KIT: variants seen among roughly 807,000 people sequenced by gnomAD.
KIT encodes mast/stem cell growth factor receptor Kit.
A neutral mutation model predicts 105.7 loss-of-function variants in KIT; 16 were observed. The ratio of observed to expected loss-of-function variants is 0.15; its 90% CI spans 0.10 to 0.23. The LOEUF is 0.23. Among genes scored for constraint, KIT ranks in the 10% least tolerant of loss-of-function variants. KIT has a pLI of 1.00. For missense variants in KIT, 858 were observed against 1,213.8 expected (o/e 0.71, Z 4.36); for synonymous variants, 438 against 441.1 (o/e 0.99, Z 0.09).
In KIT at chr4:54,698,300, C is replaced by T. The variant is rs1352598333; in HGVS notation, c.354C>T (p.Phe118=). 4 of 1,613,924 alleles carry T rather than the reference C, an allele frequency of 2.5e-6. No homozygotes were observed. The highest frequency in any genetic ancestry group is 3.3e-5 in the Admixed American group (2 of 59,994). The stretch of plus-strand genomic sequence containing the variant: ...CTTCTATAGATCCTGCCAAGCTTTT[C>T]CTTGTTGACCGCTCCTTGTATGGGA... ...YVFVRDPAKL[F]LVDRSLYGKE... is the part of the protein sequence containing the mutation. The change falls in exon 3 of 21, where the codon TTC becomes TTT. Residue 118 remains phenylalanine, a synonymous_variant. Transcript: ENST00000288135.
chr4:54,702,239 G>A (rs1254037537), intron 4 of KIT, among the ~76,000 whole-genome samples: 1 of 151,884 alleles, frequency 6.6e-6, no homozygotes, highest in African/African-American at 2.4e-5. Flanking sequence ...AACCTTATAT[G>A]TAATTTTAAA....
At chr4:54,737,614 C>T (rs577991014) in intron 20 of KIT, among the ~76,000 whole-genome samples, 13 of 152,282 alleles carry the variant, frequency 8.5e-5, no homozygotes, top group African/African-American at 2.9e-4. Flanking sequence ...TCTCACATGT[C>T]AGGGCCATGC....
chr4:54,706,163 C>G (rs1490614759), intron 5 of KIT, among the ~76,000 whole-genome samples: 1 of 151,842 alleles, frequency 6.6e-6, no homozygotes. Context: ...CTGTAGCTAT[C>G]TATCTCATTT....
intron 7 of KIT, among the ~76,000 whole-genome samples, chr4:54,715,391 CG>C (rs1251008678): frequency 1.3e-5 from 2 of 150,680 alleles, no homozygotes; most frequent in African/African-American, 4.9e-5. Flanking sequence ...AAAAAATGCC[CG>C]GGGCTGGGTG....
At chr4:54,676,569 A>G (rs1370752763) in intron 1 of KIT, among the ~76,000 whole-genome samples, 1 of 152,206 alleles carries the variant, frequency 6.6e-6, no homozygotes, top group African/African-American at 2.4e-5. Flanking sequence ...GCTGCAGTAG[A>G]GGCTTCGAGA....
At chr4:54,724,888 C>T (rs1168887155) in intron 8 of KIT, among the ~76,000 whole-genome samples, 2 of 151,962 alleles carry the variant, frequency 1.3e-5, no homozygotes, top group Non-Finnish European at 1.5e-5. Context: ...TGGGTAGAAA[C>T]ACATAATAGA....
chr4:54,728,410 T>C (rs1722375382), intron 13 of KIT, among the ~76,000 whole-genome samples: 1 of 152,196 alleles, frequency 6.6e-6, no homozygotes, highest in Non-Finnish European at 1.5e-5. Context: ...GCTTCTGTTA[T>C]CTTGTAAGCT....
chr4:54,732,895 T>G (rs1216900676), intron 16 of KIT, among the ~76,000 whole-genome samples, 175 bp from the exon 17 acceptor site: 1 of 152,220 alleles, frequency 6.6e-6, no homozygotes, highest in Non-Finnish European at 1.5e-5. Context: ...CTTGATTATG[T>G]GAACATCATT....
Position 54,731,250 on chromosome 4 carries a change from A to C in KIT, c.2142-78A>C, listed in dbSNP as rs567533020. The C allele has an allele frequency of 5.5e-5, 51 of 926,730 alleles. No individual in the cohort carries two copies. In the South Asian group the frequency reaches 6.0e-4, roughly 11 times the overall value. The allele number at this position is 926,730 out of a possible 1,614,324, so 57.4% of individuals were successfully genotyped here. ...AGTCTATTATGTAGCAAAGGGGATG[A>C]GGAGGTAGAGCATGACCCATGAGTG... On this transcript the variant is annotated intron_variant, in intron 14 of 20. Coordinates refer to ENST00000288135, the MANE Select transcript of KIT (RefSeq NM_000222.3).
chr4:54,657,969 G>A lies in KIT; in HGVS notation c.-46G>A, dbSNP rs953268043. ...TGCCGCGCTCGCTGCACTTGGGCGA[G>A]AGCTGGAACGTGGACCAGAGCTCGG... is the stretch of plus-strand genomic sequence containing the variant. On this transcript the variant is annotated 5_prime_UTR_variant, in exon 1 of 21. Coordinates refer to ENST00000288135, the MANE Select transcript of KIT (RefSeq NM_000222.3). 1.2e-5 allele frequency: 19 copies of A among 1,598,738 alleles called. No individual in the cohort carries two copies. The highest frequency in any genetic ancestry group is 1.5e-5 in the Non-Finnish European group (18 of 1,167,862).
chr4:54,720,189 G>A (rs993107088), intron 7 of KIT, among the ~76,000 whole-genome samples: 2 of 151,648 alleles, frequency 1.3e-5, no homozygotes, highest in South Asian at 2.1e-4. Context: ...CTGGAGGTGC[G>A]GCCCAGGAAT....
chr4:54,659,673 G>A (rs1031182408), intron 1 of KIT, among the ~76,000 whole-genome samples: 2 of 152,084 alleles, frequency 1.3e-5, no homozygotes, highest in Non-Finnish European at 2.9e-5. Context: ...TTCTCTGGAG[G>A]ATTTGATCAC....
rs2109787223 is a variant in KIT at position 54,729,486 on chromosome 4, G to A, written c.2141+1G>A. The stretch of plus-strand genomic sequence containing the variant: ...TTCTGCATTCAAAGGAGTCTTCCTG[G>A]TAAGACTGATTTACATAAATAGTTA... On this transcript the variant is annotated splice_donor_variant, in intron 14 of 20. Coordinates refer to ENST00000288135, the MANE Select transcript of KIT (RefSeq NM_000222.3). LOFTEE classifies it high-confidence loss of function. 6.2e-7 allele frequency: 1 copy of A among 1,612,860 alleles called. No homozygotes were observed. The highest frequency in any genetic ancestry group is 8.5e-7 in the Non-Finnish European group (1 of 1,179,500).
intron 5 of KIT, among the ~76,000 whole-genome samples, chr4:54,706,452 A>C (rs564368796): frequency 1.6e-4 from 25 of 152,086 alleles, no homozygotes; most frequent in Admixed American, 4.6e-4. Context: ...TAATTATTTT[A>C]CTATATAGAC....
intron 1 of KIT, among the ~76,000 whole-genome samples, chr4:54,684,189 G>A (rs575214570): frequency 9.2e-5 from 14 of 152,058 alleles, no homozygotes; most frequent in African/African-American, 3.1e-4. Context: ...GGTGGGGTGG[G>A]GTGGGGTGGT....
intron 1 of KIT, among the ~76,000 whole-genome samples, chr4:54,687,361 C>G (rs1041267646): frequency 6.6e-6 from 1 of 151,956 alleles, no homozygotes; most frequent in African/African-American, 2.4e-5. Context: ...TTGCTTGAAC[C>G]CAGGAGGCAG....
At chr4:54,663,597 C>T (rs556602022) in intron 1 of KIT, among the ~76,000 whole-genome samples, 9 of 151,864 alleles carry the variant, frequency 5.9e-5, no homozygotes, top group African/African-American at 9.7e-5. Context: ...TTTGTTTAGC[C>T]GTATTCTTGG....
chr4:54,738,196 G>A (rs549824836), intron 20 of KIT, among the ~76,000 whole-genome samples: 6 of 150,406 alleles, frequency 4.0e-5, no homozygotes, highest in Non-Finnish European at 7.4e-5. Flanking sequence ...GCTTGTGCAT[G>A]TTTTGTCCCC....
rs1165782753 is a variant in KIT, at chr4:54,740,604, A to T, written c.*2047A>T. On this transcript the variant is annotated 3_prime_UTR_variant, in exon 21 of 21. Coordinates refer to ENST00000288135, the MANE Select transcript of KIT (RefSeq NM_000222.3). ...ATACAGTAACTTTATGTGTAAATACATAAGCGGCGTAAGTTTAAAGGATGT... is the reference window on the plus strand; with the variant it reads ...ATACAGTAACTTTATGTGTAAATACTTAAGCGGCGTAAGTTTAAAGGATGT... 1 of 232,886 alleles carries T rather than the reference A, an allele frequency of 4.3e-6. No individual in the cohort carries two copies. Among genetic ancestry groups the T allele is most frequent in the Non-Finnish European group, 8.5e-6 (1 of 117,662 alleles). The allele number at this position is 232,886 out of a possible 1,614,324, so 14.4% of individuals were successfully genotyped here. A position where few individuals can be genotyped will look rare whatever the true frequency, so the allele number is the denominator to read the frequency against.
Sources: allele counts gnomAD v4.1 joint callset (sites outside exome capture counted in the v4.1 genomes callset), GRCh38; gene constraint gnomAD v4.1.1; transcripts MANE v1.5; gene names NCBI Gene and HGNC (gene_info 2026-07-23, HGNC 2026-07-21).